XKR9: variants seen among roughly 807,000 people sequenced by gnomAD.
The protein encoded by XKR9 is XK-related protein 9.
Under a neutral mutation model 32.0 loss-of-function variants are expected in XKR9, and 32 were observed. The ratio of observed to expected loss-of-function variants is 1.00; its 90% CI spans 0.76 to 1.34. The LOEUF (loss-of-function observed/expected upper bound fraction) is 1.34. Among genes scored for constraint, XKR9 ranks in the 40% most tolerant of loss-of-function variants. XKR9 has a pLI of 0.00. For synonymous variants in XKR9, 168 were observed against 143.4 expected, an observed-to-expected ratio of 1.17 and a Z score of -1.22; for missense variants, 546 against 429.7, an observed-to-expected ratio of 1.27 and a Z score of -2.39.
At chr8:70,941,862 C>T in the XKR9 span, among the ~76,000 whole-genome samples, 2 of 152,026 alleles carry the variant, frequency 1.3e-5, no homozygotes, top group African/African-American at 2.4e-5. Context: ...TTTGAGTATA[C>T]ATATTTGTTC....
the XKR9 span, among the ~76,000 whole-genome samples, chr8:70,805,957 C>G: frequency 6.6e-6 from 1 of 152,168 alleles, no homozygotes; most frequent in African/African-American, 2.4e-5. Flanking sequence ...CTGAGTGAGA[C>G]CTTCCAACAG....
chr8:70,724,652 T>A (rs2132224675), intron 4 of XKR9, among the ~76,000 whole-genome samples: 1 of 152,212 alleles, frequency 6.6e-6, no homozygotes, highest in South Asian at 2.1e-4. Flanking sequence ...CCCTTGCACT[T>A]CATGGGTGAG....
chr8:70,796,530 C>T, the XKR9 span, among the ~76,000 whole-genome samples: 1 of 151,920 alleles, frequency 6.6e-6, no homozygotes, highest in Admixed American at 6.6e-5. Flanking sequence ...AAACTTTTGG[C>T]TTCATTGATT....
chr8:70,805,198 C>A, the XKR9 span, among the ~76,000 whole-genome samples: 5 of 152,284 alleles, frequency 3.3e-5, no homozygotes, highest in South Asian at 2.1e-4. Context: ...ATCTCCACCC[C>A]CCAGCCAAGG....
the XKR9 span, among the ~76,000 whole-genome samples, chr8:70,966,609 G>C: frequency 6.6e-6 from 1 of 152,140 alleles, no homozygotes; most frequent in Non-Finnish European, 1.5e-5. Flanking sequence ...GTTTTGGGTG[G>C]AGATTTTTGT....
chr8:70,857,529 C>A, the XKR9 span, among the ~76,000 whole-genome samples: 1 of 152,142 alleles, frequency 6.6e-6, no homozygotes, highest in Non-Finnish European at 1.5e-5. Flanking sequence ...CGAATTCTAC[C>A]AGAGGTATAA....
intron 4 of XKR9, among the ~76,000 whole-genome samples, chr8:70,709,496 G>A (rs1013330147): frequency 3.3e-5 from 5 of 152,296 alleles, no homozygotes; most frequent in African/African-American, 1.2e-4. Flanking sequence ...CGAATAGGAA[G>A]AGATGAAGTA....
rs557651187 is a variant in XKR9 at position 70,781,865 on chromosome 8, C to T, written n.353-7474C>T. ...AGATTAGTTCCATAAAATATTTATG[C>T]GGATTACTGGGGGAAAATTGTTCAT... On this transcript the variant is annotated intron_variant and non_coding_transcript_variant, in intron 2 of 3. Transcript: ENST00000520273. 5.9e-5 allele frequency among the ~76,000 whole-genome samples: 9 copies of T among 152,190 alleles called. No individual in the cohort carries two copies. The South Asian group carries it at 6.2e-4, about 11-fold the overall frequency.
At chr8:71,059,792 G>C in the XKR9 span, among the ~76,000 whole-genome samples, 2 of 152,126 alleles carry the variant, frequency 1.3e-5, no homozygotes, top group Admixed American at 1.3e-4. Flanking sequence ...ACCTGGAGAG[G>C]GGAGGATCGT....
chr8:71,037,443 G>A, the XKR9 span, among the ~76,000 whole-genome samples: 1 of 152,066 alleles, frequency 6.6e-6, no homozygotes, highest in African/African-American at 2.4e-5. Flanking sequence ...TTATGTATTC[G>A]GAGGCCCTGA....
At chr8:70,876,215 G>A in the XKR9 span, among the ~76,000 whole-genome samples, 7 of 132,722 alleles carry the variant, frequency 5.3e-5, no homozygotes, top group African/African-American at 2.0e-4. Flanking sequence ...CAGAAGATTC[G>A]TTCTTTTTTT....
chr8:70,938,888 C>T, the XKR9 span, among the ~76,000 whole-genome samples: 1 of 151,540 alleles, frequency 6.6e-6, no homozygotes, highest in Non-Finnish European at 1.5e-5. Flanking sequence ...CAGCTTCCAG[C>T]TGTAGTGTTT....
At chr8:70,946,180 C>G in the XKR9 span, among the ~76,000 whole-genome samples, 2 of 152,036 alleles carry the variant, frequency 1.3e-5, no homozygotes, top group Non-Finnish European at 2.9e-5. Flanking sequence ...ATTTAGTGCT[C>G]TAGTTCCAGC....
the XKR9 span, among the ~76,000 whole-genome samples, chr8:70,891,831 T>C: frequency 6.6e-6 from 1 of 152,054 alleles, no homozygotes. Context: ...TCTAGATAAT[T>C]TGTCTAATGC....
chr8:70,672,836 A>G (rs1674432588), intron 1 of XKR9, among the ~76,000 whole-genome samples: 1 of 151,904 alleles, frequency 6.6e-6, no homozygotes, highest in South Asian at 2.1e-4. Context: ...ATTTTTTCAT[A>G]TGTTTGTTGG....
At chr8:71,036,495 A>G in the XKR9 span, among the ~76,000 whole-genome samples, 3 of 152,188 alleles carry the variant, frequency 2.0e-5, no homozygotes, top group Non-Finnish European at 4.4e-5. Flanking sequence ...GAAAGTCAGC[A>G]TAATAGAACT....
the XKR9 span, among the ~76,000 whole-genome samples, chr8:70,847,127 A>C: frequency 6.6e-6 from 1 of 152,066 alleles, no homozygotes; most frequent in African/African-American, 2.4e-5. Context: ...TAAAAATTAA[A>C]TGTATACCAA....
chr8:70,933,352 G>A, the XKR9 span, among the ~76,000 whole-genome samples: 61 of 152,208 alleles, frequency 4.0e-4, no homozygotes, highest in African/African-American at 1.3e-3. Context: ...ATAATGGGAC[G>A]CTTAGGGCGT....
chr8:70,882,151 A>G, the XKR9 span, among the ~76,000 whole-genome samples: 1 of 152,132 alleles, frequency 6.6e-6, no homozygotes, highest in Non-Finnish European at 1.5e-5. Flanking sequence ...TAAGAGAAAT[A>G]CCTAATGTAA....
Sources: allele counts gnomAD v4.1 joint callset (sites outside exome capture counted in the v4.1 genomes callset), GRCh38; gene constraint gnomAD v4.1.1; transcripts MANE v1.5; gene names NCBI Gene and HGNC (gene_info 2026-07-23, HGNC 2026-07-21).